The following CPLX2 variants were observed in gnomAD, a reference collection of about 807,000 sequenced individuals.
The protein encoded by CPLX2 is complexin-2.
CPLX2 carries 5 observed loss-of-function variants against 16.3 expected under a neutral mutation model. The ratio of observed to expected loss-of-function variants is 0.31; its 90% CI spans 0.16 to 0.64. The LOEUF (loss-of-function observed/expected upper bound fraction) is 0.64, where lower values mean the gene tolerates loss of function less well. Ranked by LOEUF, CPLX2 falls within the 30% of genes least tolerant of loss-of-function variation. The probability of loss-of-function intolerance (pLI) is 0.79; values close to 1 mark genes in which losing one functional copy is unlikely to be tolerated. For missense variants in CPLX2, 144 were observed against 181.4 expected (o/e 0.79, Z 1.18); for synonymous variants, 89 against 73.2 (o/e 1.22, Z -1.10).
chr5:175,811,643 C>G (rs1238067805), intron 2 of CPLX2, among the ~76,000 whole-genome samples: 1 of 152,032 alleles, frequency 6.6e-6, no homozygotes, highest in Non-Finnish European at 1.5e-5. Context: ...GAGAGAGAAG[C>G]TTCCTGAAAC....
chr5:175,818,219 CAG>C (rs1758443324), intron 2 of CPLX2, among the ~76,000 whole-genome samples: 1 of 152,148 alleles, frequency 6.6e-6, no homozygotes, highest in African/African-American at 2.4e-5. Context: ...AGGAGGCAAA[CAG>C]AAAGTCGGGA....
At chr5:175,852,351 A>G (rs2113680309) in intron 2 of CPLX2, among the ~76,000 whole-genome samples, 1 of 152,318 alleles carries the variant, frequency 6.6e-6, no homozygotes, top group Middle Eastern at 3.4e-3. Context: ...CTGCCTCTGG[A>G]GGGATGGAGG....
intron 2 of CPLX2, among the ~76,000 whole-genome samples, chr5:175,813,773 C>CT (rs1049777262): frequency 2.6e-5 from 4 of 152,332 alleles, no homozygotes; most frequent in African/African-American, 7.2e-5. Context: ...GAATGACTGC[C>CT]TTTTTGGTTG....
intron 2 of CPLX2, among the ~76,000 whole-genome samples, chr5:175,813,003 C>T (rs1170663359): frequency 6.6e-6 from 1 of 152,142 alleles, no homozygotes; most frequent in East Asian, 1.9e-4. Context: ...GGACTTGGGG[C>T]AAGTGTCCCT....
chr5:175,857,377 G>C (rs1453265547), intron 2 of CPLX2, among the ~76,000 whole-genome samples: 2 of 152,152 alleles, frequency 1.3e-5, no homozygotes, highest in African/African-American at 4.8e-5. Flanking sequence ...TCACCACTCT[G>C]AATTATCTTT....
intron 1 of CPLX2, among the ~76,000 whole-genome samples, chr5:175,797,921 C>T (rs1758023707): frequency 6.6e-6 from 1 of 152,190 alleles, no homozygotes; most frequent in Non-Finnish European, 1.5e-5. Flanking sequence ...GAAACCTTTT[C>T]TCTGAGAGCT....
At chr5:175,873,718 T>C (rs564304508) in intron 1 of CPLX2, among the ~76,000 whole-genome samples, 2 of 152,208 alleles carry the variant, frequency 1.3e-5, no homozygotes, top group African/African-American at 4.8e-5. Flanking sequence ...TGTTAGATAA[T>C]ATGTACCTAC....
At chr5:175,799,705 A>AT (rs991180466) in intron 1 of CPLX2, among the ~76,000 whole-genome samples, 22 of 149,092 alleles carry the variant, frequency 1.5e-4, no homozygotes, top group Non-Finnish European at 2.8e-4. Flanking sequence ...TTTTATTTTT[A>AT]TTTTTTTTGT....
At chr5:175,862,737 G>A (rs1759395722) in intron 2 of CPLX2, among the ~76,000 whole-genome samples, 1 of 152,242 alleles carries the variant, frequency 6.6e-6, no homozygotes, top group Non-Finnish European at 1.5e-5. Flanking sequence ...AGAGACAAAA[G>A]TATAAGACCC....
chr5:175,801,176 A>AAAAAT (rs1758090516), intron 1 of CPLX2, among the ~76,000 whole-genome samples: 1 of 148,128 alleles, frequency 6.8e-6, no homozygotes. Flanking sequence ...AAAAAAAAAA[A>AAAAAT]CTGGGTTTTA....
intron 1 of CPLX2, among the ~76,000 whole-genome samples, chr5:175,877,049 C>T (rs150116326): frequency 1.0e-3 from 159 of 152,142 alleles, no homozygotes; most frequent in African/African-American, 2.6e-3. Flanking sequence ...GGCACTTGAC[C>T]GGTATCATTC....
rs764443661 is a variant in CPLX2, at chr5:175,809,272, C to G, written c.-89+204C>G. 1 of 152,116 alleles carries G rather than the reference C, an allele frequency of 6.6e-6. No homozygotes were observed. Among genetic ancestry groups the G allele is most frequent in the Admixed American group, 6.5e-5 (1 of 15,278 alleles). The allele number at this position is 152,116 out of a possible 1,614,324, so 9.4% of individuals were successfully genotyped here. A position where few individuals can be genotyped will look rare whatever the true frequency, so the allele number is the denominator to read the frequency against. On this transcript the variant is annotated intron_variant, in intron 2 of 4. Coordinates refer to the CPLX2 transcript ENST00000359546. The surrounding 1 kb of genome is among the most constrained non-coding windows in gnomAD (Gnocchi z 4.4). ...GCCGTTTACAACAGAGAAGCACTTT[C>G]TTGTGCAATGCCTTATTCAGTGCTC... is the stretch of plus-strand genomic sequence containing the variant.
intron 1 of CPLX2, among the ~76,000 whole-genome samples, chr5:175,800,362 G>T (rs1248781100): frequency 1.3e-5 from 2 of 152,024 alleles, no homozygotes; most frequent in Non-Finnish European, 2.9e-5. Context: ...GTGAAGGGAA[G>T]TCAGCCATTA....
intron 2 of CPLX2, among the ~76,000 whole-genome samples, chr5:175,841,206 T>A (rs1581086637): frequency 6.6e-6 from 1 of 152,136 alleles, no homozygotes; most frequent in East Asian, 1.9e-4. Context: ...TCAGCATACA[T>A]CTCAGCCCAC....
intron 2 of CPLX2, among the ~76,000 whole-genome samples, chr5:175,860,513 AG>A (rs1388728537): frequency 4.9e-5 from 1 of 20,266 alleles, no homozygotes; most frequent in African/African-American, 2.8e-4. Flanking sequence ...AAAGAAAGAA[AG>A]AAAAAGAAAG....
intron 2 of CPLX2, among the ~76,000 whole-genome samples, chr5:175,836,120 G>A (rs1758830949): frequency 6.6e-6 from 1 of 152,142 alleles, no homozygotes; most frequent in Admixed American, 6.5e-5. Context: ...GGAGGCCAAG[G>A]CGGGCAGATC....
chr5:175,836,011 T>A (rs1441443924), intron 2 of CPLX2, among the ~76,000 whole-genome samples: 1 of 152,080 alleles, frequency 6.6e-6, no homozygotes, highest in Admixed American at 6.5e-5. Flanking sequence ...CATGCTGGGA[T>A]TACAGGCATG....
At chr5:175,879,814 G>T in intron 3 of CPLX2, 34 bp from the exon 4 acceptor site, 1 of 1,585,254 alleles carries the variant, frequency 6.3e-7, no homozygotes, top group South Asian at 1.1e-5. Flanking sequence ...TGCCCACCCC[G>T]CTTCATGCGC....
At chr5:175,814,384 A>C (rs1170620720) in intron 2 of CPLX2, among the ~76,000 whole-genome samples, 1 of 152,236 alleles carries the variant, frequency 6.6e-6, no homozygotes, top group Admixed American at 6.5e-5. Flanking sequence ...CAGAGGGTGG[A>C]TCTGAAACAG....
Sources: allele counts gnomAD v4.1 joint callset (sites outside exome capture counted in the v4.1 genomes callset), GRCh38; gene constraint gnomAD v4.1.1; non-coding constraint Gnocchi (gnomAD v3.1); transcripts MANE v1.5; gene names NCBI Gene and HGNC (gene_info 2026-07-23, HGNC 2026-07-21).